The following CS variants were observed in gnomAD, a reference collection of about 807,000 sequenced individuals.
CS encodes citrate synthase, also known as citrate synthase, mitochondrial.
CS carries 13 observed loss-of-function variants against 61.4 expected under a neutral mutation model. That is an observed-to-expected ratio of 0.21 (90% confidence interval 0.14 to 0.34). CS has a LOEUF of 0.34. Among genes scored for constraint, CS ranks in the 10% least tolerant of loss-of-function variants. The probability of loss-of-function intolerance (pLI) is 1.00; values close to 1 mark genes in which losing one functional copy is unlikely to be tolerated. For synonymous variants in CS, 159 were observed against 215.2 expected (o/e 0.74, Z 2.29); for missense variants, 278 against 573.4 (o/e 0.48, Z 5.26).
At chr12:56,277,804 A>G (rs1039122363) in intron 6 of CS, among the ~76,000 whole-genome samples, 3 of 151,076 alleles carry the variant, frequency 2.0e-5, no homozygotes, top group African/African-American at 7.3e-5. Context: ...TTAATTTTGT[A>G]TTTTTAGTAG....
chr12:56,288,391 G>A (rs1179154692), intron 1 of CS, among the ~76,000 whole-genome samples: 5 of 133,962 alleles, frequency 3.7e-5, no homozygotes, highest in East Asian at 2.1e-4. Context: ...TCATTCTGTC[G>A]CCCAGGCTGA....
In CS at chr12:56,286,596, G is replaced by C; in HGVS notation, c.92C>G (p.Thr31Arg). ...TTAGTCTTCTTTTCCAAACCTTACC[G>C]TGGAGGAAGCACTGGCATGCCGGGC... Reference protein sequence around the residue: ...LAARHASASSTNLKDILADLI... With the variant: ...LAARHASASSRNLKDILADLI... Residue 31 changes from threonine to arginine, a missense_variant and splice_region_variant, in exon 2 of 11, where the codon ACG becomes AGG. By Grantham distance (71) the Thr-to-Arg change is moderately conservative (BLOSUM62 -1). Transcript: ENST00000351328. 3 of 1,613,920 alleles carry C rather than the reference G, an allele frequency of 1.9e-6. No individual in the cohort carries two copies. In the African/African-American group the frequency reaches 4.0e-5, roughly 22 times the overall value.
At chr12:56,277,954 C>CTA (rs1370091540) in intron 6 of CS, among the ~76,000 whole-genome samples, 1 of 152,122 alleles carries the variant, frequency 6.6e-6, no homozygotes, top group African/African-American at 2.4e-5. Context: ...TAAGCACTTA[C>CTA]TATGCAACAG....
intron 3 of CS, among the ~76,000 whole-genome samples, chr12:56,284,751 C>T (rs995594959): frequency 6.7e-6 from 1 of 149,820 alleles, no homozygotes; most frequent in Non-Finnish European, 1.5e-5. Context: ...ATACAAAAAT[C>T]AGCTGGGCGT....
chr12:56,289,337 T>C (rs1873041788), intron 1 of CS, among the ~76,000 whole-genome samples: 1 of 152,198 alleles, frequency 6.6e-6, no homozygotes, highest in Admixed American at 6.5e-5. Context: ...GTCCCACAGA[T>C]TCCCTACTAG....
In CS at chr12:56,271,878, T is replaced by C. The variant is rs193099996; in HGVS notation, c.*1206A>G. ...GAAAGATGGGGGCACAGCAGGAGTGTATCTTAATCCTTTCTCAAAGAAAAA... is the reference window on the plus strand; with the variant it reads ...GAAAGATGGGGGCACAGCAGGAGTGCATCTTAATCCTTTCTCAAAGAAAAA... On this transcript the variant is annotated 3_prime_UTR_variant, in exon 11 of 11. Transcript: ENST00000351328. The C allele has an allele frequency of 9.2e-5, 42 of 456,396 alleles. No homozygotes were observed. Among genetic ancestry groups the C allele is most frequent in the East Asian group, 2.1e-4 (3 of 14,386 alleles). The allele number at this position is 456,396 out of a possible 1,614,324, so 28.3% of individuals were successfully genotyped here.
rs1175820619 is a variant in CS at position 56,276,010 on chromosome 12, G to T, written c.774C>A (p.Tyr258Ter). ...GTCTAGCTTACCTGTGGATGGTGAG[G>T]TACAGGCGCGTGAGCTCAGTGAACT... ...DHQFTELTRL[Y>*]LTIHSDHEGG... Residue 258 changes from tyrosine to a stop codon, truncating the protein, a stop_gained, in exon 7 of 11, where the codon TAC becomes TAA. Coordinates refer to ENST00000351328, the MANE Select transcript of CS (RefSeq NM_004077.3). LOFTEE classifies it high-confidence loss of function. 1 of 1,614,156 alleles carries T rather than the reference G, an allele frequency of 6.2e-7. No individual in the cohort carries two copies.
At chr12:56,280,000 C>T (rs1032691209) in intron 6 of CS, among the ~76,000 whole-genome samples, 1 of 151,656 alleles carries the variant, frequency 6.6e-6, no homozygotes, top group African/African-American at 2.4e-5. Flanking sequence ...AACAAAAAGG[C>T]CCAGGGTGGT....
chr12:56,298,491 C>G (rs1184981681), intron 1 of CS: 2 of 287,854 alleles, frequency 6.9e-6, no homozygotes, highest in Non-Finnish European at 1.0e-5. Flanking sequence ...TTCACATTCA[C>G]TGCAGGGTTA....
chr12:56,278,668 C>G (rs990684190), intron 6 of CS, among the ~76,000 whole-genome samples: 1 of 149,018 alleles, frequency 6.7e-6, no homozygotes, highest in Admixed American at 6.7e-5. Flanking sequence ...ACCTGGGAGG[C>G]GGAGGTTGCA....
chr12:56,286,120 T>C, intron 2 of CS, 97 bp from the exon 3 acceptor site: 1 of 938,044 alleles, frequency 1.1e-6, no homozygotes, highest in South Asian at 1.4e-5. Context: ...AGAAGCTGGC[T>C]TTATCTGCCA....
intron 1 of CS, among the ~76,000 whole-genome samples, chr12:56,293,964 C>T (rs1187856950): frequency 6.6e-6 from 1 of 152,166 alleles, no homozygotes; most frequent in Non-Finnish European, 1.5e-5. Flanking sequence ...AGGACAAAGG[C>T]TCCTCTCTCC....
intron 1 of CS, among the ~76,000 whole-genome samples, chr12:56,291,037 A>G (rs1450667963): frequency 2.6e-5 from 4 of 152,242 alleles, no homozygotes; most frequent in Non-Finnish European, 5.9e-5. Flanking sequence ...TATCTTGGCT[A>G]TGTAACCTAA....
At chr12:56,280,421 AAAAC>A (rs1872743120) in intron 6 of CS, among the ~76,000 whole-genome samples, 2 of 104,830 alleles carry the variant, frequency 1.9e-5, no homozygotes, top group African/African-American at 5.9e-5. Flanking sequence ...TCTCCCAAAA[AAAAC>A]AAAAAAAAAA....
intron 4 of CS, among the ~76,000 whole-genome samples, chr12:56,283,479 A>C (rs1322463704): frequency 6.6e-6 from 1 of 152,034 alleles, no homozygotes; most frequent in Non-Finnish European, 1.5e-5. Context: ...TCCTGACCGC[A>C]TGATCTGCCC....
chr12:56,278,341 C>T (rs550120133), intron 6 of CS, among the ~76,000 whole-genome samples: 7 of 152,154 alleles, frequency 4.6e-5, no homozygotes, highest in South Asian at 2.1e-4. Flanking sequence ...TTGGCCAGGC[C>T]GGTCTCAAAC....
intron 6 of CS, among the ~76,000 whole-genome samples, chr12:56,276,653 T>A (rs939599157): frequency 2.0e-5 from 3 of 152,200 alleles, no homozygotes; most frequent in Admixed American, 1.3e-4. Flanking sequence ...GTGATTCTCC[T>A]GCCTCAGCCT....
intron 3 of CS, among the ~76,000 whole-genome samples, chr12:56,284,970 G>A (rs1419236357): frequency 6.7e-6 from 1 of 149,950 alleles, no homozygotes; most frequent in Non-Finnish European, 1.5e-5. Flanking sequence ...CCCCCCAGAT[G>A]GAGTCTCACT....
chr12:56,284,545 G>C (rs1164511056), intron 3 of CS, among the ~76,000 whole-genome samples: 1 of 151,332 alleles, frequency 6.6e-6, no homozygotes, highest in Non-Finnish European at 1.5e-5. Flanking sequence ...TGAGTAGCTG[G>C]GATTATAGGC....
Sources: allele counts gnomAD v4.1 joint callset (sites outside exome capture counted in the v4.1 genomes callset), GRCh38; gene constraint gnomAD v4.1.1; transcripts MANE v1.5; gene names NCBI Gene and HGNC (gene_info 2026-07-23, HGNC 2026-07-21).